Variants in EFHC1 observed in about 807,000 individuals in gnomAD.
EFHC1 encodes EF-hand domain containing 1.
In EFHC1, 53 loss-of-function variants were observed where a neutral mutation model predicts 69.9. The observed-to-expected ratio is 0.76, with a 90% CI of 0.61 to 0.95. The LOEUF is 0.95. EFHC1 is among the 40% of genes least tolerant of loss of function. The pLI, the probability that EFHC1 is intolerant of heterozygous loss-of-function variation, is 0.00. For synonymous variants in EFHC1, 256 were observed against 278.4 expected, an observed-to-expected ratio of 0.92 and a Z score of 0.80; for missense variants, 739 against 798.7, an observed-to-expected ratio of 0.93 and a Z score of 0.90.
chr6:52,452,593 TGC>T, intron 3 of EFHC1, 93 bp from the exon 4 acceptor site: 3 of 1,443,132 alleles, frequency 2.1e-6, no homozygotes, highest in Non-Finnish European at 2.9e-6. Context: ...TGAGCCACAG[TGC>T]CTGGCCCATA....
rs377227885 is a variant in EFHC1, at chr6:52,479,734, G to A, written c.1587G>A (p.Ala529=). The part of the protein sequence containing the change: ...NAAQYSPEAL[A]SIQNHVRKRE... ...CCCAGTATTCACCAGAAGCACTCGC[G>A]TCAATTCAGAACCATGTCCGAAAGC... Residue 529 remains alanine, a synonymous_variant, in exon 9 of 11, where the codon GCG becomes GCA. Coordinates refer to ENST00000371068, the MANE Select transcript of EFHC1 (RefSeq NM_018100.4). 1.6e-4 allele frequency: 256 copies of A among 1,614,028 alleles called. No homozygotes were observed. Among genetic ancestry groups the A allele is most frequent in the Non-Finnish European group, 2.0e-4 (236 of 1,180,038 alleles).
chr6:52,450,451 G>A (rs1033845147), intron 3 of EFHC1, among the ~76,000 whole-genome samples: 2 of 152,172 alleles, frequency 1.3e-5, no homozygotes, highest in African/African-American at 2.4e-5. Flanking sequence ...TCTCATTGTA[G>A]ATATCTAAGA....
chr6:52,440,707 C>T (rs1362248831), intron 3 of EFHC1, among the ~76,000 whole-genome samples: 1 of 152,118 alleles, frequency 6.6e-6, no homozygotes, highest in African/African-American at 2.4e-5. Context: ...TTAGGAATCA[C>T]TACACTGCTT....
rs1469266670 is a variant in EFHC1, at chr6:52,420,589, G to A, written c.63+116G>A. The A allele has an allele frequency of 7.8e-6, 10 of 1,276,560 alleles. No individual in the cohort carries two copies. The African/African-American group carries it at 1.2e-4, about 15-fold the overall frequency. The allele number at this position is 1,276,560 out of a possible 1,614,324, so 79.1% of individuals were successfully genotyped here. ...TCAAGTCTGTCTTCTCTCCAAACAC[G>A]TCTTCTGTCCTGACCCTGTTCTTTA... On this transcript the variant is annotated intron_variant, in intron 1 of 10. Coordinates refer to ENST00000371068, the MANE Select transcript of EFHC1 (RefSeq NM_018100.4).
chr6:52,457,246 A>G (rs995985493), intron 5 of EFHC1, among the ~76,000 whole-genome samples: 3 of 152,258 alleles, frequency 2.0e-5, no homozygotes, highest in South Asian at 2.1e-4. Context: ...ATACCAGATT[A>G]TCTGATTATG....
At position 52,479,029 on chromosome 6, in the gene EFHC1, CTT is replaced by C. The variant is rs958460403; in HGVS notation, c.1279-6_1279-5del. On this transcript the variant is annotated splice_polypyrimidine_tract_variant and splice_region_variant and intron_variant, in intron 7 of 10. Coordinates refer to ENST00000371068, the MANE Select transcript of EFHC1 (RefSeq NM_018100.4). ...CTTCATAATATCCTCTTTTCTTCAC[CTT>C]TGTAGGAATCCCCCATCCCAGAAGA... The C allele has an allele frequency of 1.9e-6, 3 of 1,612,618 alleles. No individual in the cohort carries two copies. The highest frequency in any genetic ancestry group is 2.5e-6 in the Non-Finnish European group (3 of 1,179,696).
Position 52,420,421 on chromosome 6 carries a change from A to C in EFHC1, c.11A>C (p.Asn4Thr), listed in dbSNP as rs770708334. 2.5e-6 allele frequency: 4 copies of C among 1,614,212 alleles called. No homozygotes were observed. Among genetic ancestry groups the C allele is most frequent in the Non-Finnish European group, 3.4e-6 (4 of 1,180,028 alleles). Reference protein sequence around the residue: MVSNPVHGLPFLPG... With the variant: MVSTPVHGLPFLPG... ...GTGGTACCGGCTGCAATGGTGTCCA[A>C]TCCCGTGCATGGCTTGCCCTTTCTT... Residue 4 changes from asparagine to threonine, a missense_variant, in exon 1 of 11, where the codon AAT becomes ACT. Asn to Thr is a moderately conservative substitution (Grantham distance 65). Coordinates refer to ENST00000371068, the MANE Select transcript of EFHC1 (RefSeq NM_018100.4).
chr6:52,492,966 G>A lies in EFHC1; in HGVS notation c.*625G>A. On this transcript the variant is annotated 3_prime_UTR_variant, in exon 11 of 11. Transcript: ENST00000371068. Reference sequence around the variant, plus strand: ...TTTCTCTGAAGGTATTTTTCGATGAGATAAACATTTGAATCAGAAGACTAA... The same window carrying A: ...TTTCTCTGAAGGTATTTTTCGATGAAATAAACATTTGAATCAGAAGACTAA... The A allele has an allele frequency of 2.2e-6, 1 of 454,070 alleles. No homozygotes were observed. The highest frequency in any genetic ancestry group is 1.6e-5 in the South Asian group (1 of 64,472). 28.1% of individuals were successfully genotyped at this position (454,070 alleles called of 1,614,324 possible).
rs561543565 is a variant in EFHC1, at chr6:52,464,472, A to G, written c.917-423A>G. Reference sequence around the variant, plus strand: ...AATCCCAGTATTTAGCAGTGTACCTAGTACATGATATAGATGGTCACTAGT... The same window carrying G: ...AATCCCAGTATTTAGCAGTGTACCTGGTACATGATATAGATGGTCACTAGT... On this transcript the variant is annotated intron_variant, in intron 5 of 10. Coordinates refer to ENST00000371068, the MANE Select transcript of EFHC1 (RefSeq NM_018100.4). Among the ~76,000 whole-genome samples, 4 of 152,322 alleles carry G rather than the reference A, an allele frequency of 2.6e-5. No individual in the cohort carries two copies. The East Asian group carries it at 5.8e-4, about 22-fold the overall frequency.
rs1349501411 is a variant in EFHC1 at position 52,428,073 on chromosome 6, CA to C, written c.285+3907del. 7.9e-5 allele frequency: 12 copies of C among 152,190 alleles called. No homozygotes were observed. The East Asian group carries it at 2.3e-3, about 29-fold the overall frequency. The allele number at this position is 152,190 out of a possible 1,614,324, so 9.4% of individuals were successfully genotyped here. A position where few individuals can be genotyped will look rare whatever the true frequency, so the allele number is the denominator to read the frequency against. ...AGGAGCCCAGCCTGCTATAAAATTC[CA>C]TGAAAAGTATATTTTTAAACACAGT... On this transcript the variant is annotated intron_variant, in intron 2 of 10. Coordinates refer to ENST00000371068, the MANE Select transcript of EFHC1 (RefSeq NM_018100.4).
At chr6:52,489,986 C>T (rs553172566) in intron 9 of EFHC1, among the ~76,000 whole-genome samples, 154 bp from the exon 10 acceptor site, 3 of 152,274 alleles carry the variant, frequency 2.0e-5, no homozygotes, top group South Asian at 2.1e-4. Context: ...GGTCAGCTAT[C>T]GGCCTGTGGG....
intron 2 of EFHC1, among the ~76,000 whole-genome samples, chr6:52,432,596 T>C (rs987560990): frequency 6.6e-6 from 1 of 152,198 alleles, no homozygotes; most frequent in Non-Finnish European, 1.5e-5. Context: ...AGGTTTTCCT[T>C]TATAGGTTAC....
chr6:52,450,782 TTTTG>T (rs941643215), intron 3 of EFHC1, among the ~76,000 whole-genome samples: 4 of 151,984 alleles, frequency 2.6e-5, no homozygotes, highest in Non-Finnish European at 4.4e-5. Context: ...ATTGTGGTTT[TTTTG>T]TTTGTTTGTT....
intron 7 of EFHC1, among the ~76,000 whole-genome samples, chr6:52,472,611 G>A (rs578256861): frequency 6.6e-6 from 1 of 151,588 alleles, no homozygotes; most frequent in South Asian, 2.1e-4. Context: ...CAAAAGATAT[G>A]TAACACCTAA....
In EFHC1 at chr6:52,424,138, A is replaced by G; in HGVS notation, c.256A>G (p.Ile86Val). 2 of 1,614,050 alleles carry G rather than the reference A, an allele frequency of 1.2e-6. No homozygotes were observed. The highest frequency in any genetic ancestry group is 1.3e-5 in the African/African-American group (1 of 75,032). ...QPKQAPPADF[I>V]PAHVAFDKKV... is the part of the protein sequence containing the mutation. ...TAAACAAGCCCCACCTGCGGATTTT[A>G]TTCCTGCGCATGTGGCCTTTGACAA... Residue 86 changes from isoleucine (I) to valine (V), a missense_variant, in exon 2 of 11, where the codon ATT (isoleucine) becomes GTT (valine). By Grantham distance (29) the Ile-to-Val change is conservative. Coordinates refer to ENST00000371068, the MANE Select transcript of EFHC1 (RefSeq NM_018100.4).
rs556024478 is a variant in EFHC1, at chr6:52,493,834, C to T, written c.*1493C>T. The T allele has an allele frequency of 1.3e-5, 6 of 454,020 alleles. No individual in the cohort carries two copies. The highest frequency in any genetic ancestry group is 6.9e-4 in the Middle Eastern group (1 of 1,444). The allele number at this position is 454,020 out of a possible 1,614,324, so 28.1% of individuals were successfully genotyped here. Reference sequence around the variant, plus strand: ...TTTAAACATGCTATCTCAAATTCCCCGAAGCCACCCAAAATGTGGTATGAA... The same window carrying T: ...TTTAAACATGCTATCTCAAATTCCCTGAAGCCACCCAAAATGTGGTATGAA... On this transcript the variant is annotated 3_prime_UTR_variant, in exon 11 of 11. Transcript: ENST00000371068.
chr6:52,453,791 A>T (rs1353609693), intron 4 of EFHC1: 1 of 1,281,712 alleles, frequency 7.8e-7, no homozygotes, highest in East Asian at 5.4e-5. Flanking sequence ...AAAGAACTTC[A>T]TTGCTCTTTT....
Position 52,464,943 on chromosome 6 carries a change from A to G in EFHC1, c.965A>G (p.Glu322Gly). The change falls in exon 6 of 11, where the codon GAA (glutamate) becomes GGA (glycine). Residue 322 changes from glutamate to glycine, a missense_variant. Glu to Gly is a moderately conservative substitution (Grantham distance 98). Transcript: ENST00000371068. ...GAAATCTCTGACCAAGAAGTGTTGG[A>G]ATGGTATACTGCTAAAGACTTCATT... ...VLEISDQEVLEWYTAKDFIVG... is the reference protein window; with the variant it reads ...VLEISDQEVLGWYTAKDFIVG... The G allele has an allele frequency of 6.2e-7, 1 of 1,614,134 alleles. No individual in the cohort carries two copies.
Position 52,493,504 on chromosome 6 carries a change from T to C in EFHC1, c.*1163T>C, listed in dbSNP as rs930190577. The C allele has an allele frequency of 1.2e-4, 49 of 397,388 alleles. No individual in the cohort carries two copies. Among genetic ancestry groups the C allele is most frequent in the Non-Finnish European group, 8.8e-5 (18 of 205,076 alleles). The allele number at this position is 397,388 out of a possible 1,614,324, so 24.6% of individuals were successfully genotyped here. On this transcript the variant is annotated 3_prime_UTR_variant, in exon 11 of 11. Coordinates refer to ENST00000371068, the MANE Select transcript of EFHC1 (RefSeq NM_018100.4). ...ACATCTCTACTAAAAATAGAAAAAT[T>C]AGCCAGGTGTGGTGGCGTGTGCCTG...
Sources: gnomAD v4.1 joint callset for allele counts (sites outside exome capture counted in the v4.1 genomes callset) on GRCh38, gnomAD v4.1.1 for gene constraint, MANE v1.5 for transcripts, NCBI Gene and HGNC (gene_info 2026-07-23, HGNC 2026-07-21) for gene names.